The following RASGEF1A variants were observed in gnomAD, a reference collection of about 807,000 sequenced individuals.
The protein encoded by RASGEF1A is RasGEF domain family member 1A, also known as ras-GEF domain-containing family member 1A.
Under a neutral mutation model 56.4 loss-of-function variants are expected in RASGEF1A, and 18 were observed. The ratio of observed to expected loss-of-function variants is 0.32; its 90% CI spans 0.22 to 0.47. The LOEUF is 0.47. Ranked by LOEUF, RASGEF1A falls within the 20% of genes least tolerant of loss-of-function variation. The pLI, the probability that RASGEF1A is intolerant of heterozygous loss-of-function variation, is 1.00. For missense variants in RASGEF1A, 422 were observed against 627.1 expected, an observed-to-expected ratio of 0.67 and a Z score of 3.49; for synonymous variants, 245 against 242.6, an observed-to-expected ratio of 1.01 and a Z score of -0.09.
chr10:43,229,823 G>T, intron 1 of RASGEF1A: 1 of 1,057,762 alleles, frequency 9.5e-7, no homozygotes, highest in Non-Finnish European at 1.2e-6. Context: ...GCTGGGCTGG[G>T]GACCGCGGGG....
chr10:43,210,199 C>T (rs558459708), intron 1 of RASGEF1A, among the ~76,000 whole-genome samples: 7 of 152,328 alleles, frequency 4.6e-5, no homozygotes, highest in African/African-American at 1.7e-4. Context: ...GGGCCTGGTA[C>T]GGAGGCTCAT....
In RASGEF1A at chr10:43,258,550, C is replaced by T. The variant is rs377584648; in HGVS notation, c.-7+8295G>A. ...GGGCAAAGCTGCAGGCCACAGCAGG[C>T]GGCTGGCCCCTTGGGACGAGGAGAG... On this transcript the variant is annotated intron_variant, in intron 1 of 12. Transcript: ENST00000395810. Among the ~76,000 whole-genome samples the T allele has an allele frequency of 6.6e-5, 10 of 152,364 alleles. No individual in the cohort carries two copies. In the East Asian group the frequency reaches 9.6e-4, roughly 15 times the overall value.
In RASGEF1A at chr10:43,197,013, C is replaced by A. The variant is rs754230916; in HGVS notation, c.1311G>T (p.Gln437His). The stretch of plus-strand genomic sequence containing the variant: ...AGATGGGCGCCGTGAGCAGGTAACT[C>A]TGAATCTTCTTGTCCTTCTCGAAAG... ...ECPFEKDKKIQSYLLTAPIYS... is the reference protein window; with the variant it reads ...ECPFEKDKKIHSYLLTAPIYS... Residue 437 changes from glutamine (Q) to histidine (H), a missense_variant, in exon 11 of 13, where the codon CAG becomes CAT. Physicochemically the swap from Gln to His is conservative, Grantham distance 24. Transcript: ENST00000395810. 6.2e-7 allele frequency: 1 copy of A among 1,614,082 alleles called. No homozygotes were observed. Among genetic ancestry groups the A allele is most frequent in the Non-Finnish European group, 8.5e-7 (1 of 1,180,026 alleles).
chr10:43,229,691 C>A (rs1323279439), intron 1 of RASGEF1A: 2 of 1,443,960 alleles, frequency 1.4e-6, no homozygotes, highest in Non-Finnish European at 1.8e-6. Context: ...CTGCCCGGTC[C>A]GGCGTCCAGC....
chr10:43,203,268 C>G (rs1182254737), intron 3 of RASGEF1A, 30 bp downstream of exon 3: 59 of 1,546,068 alleles, frequency 3.8e-5, no homozygotes, highest in Non-Finnish European at 5.0e-5. Context: ...CCCCTGCCCC[C>G]GCCCGTGCCC....
At chr10:43,236,686 T>C (rs1840435500) in intron 1 of RASGEF1A, among the ~76,000 whole-genome samples, 1 of 152,234 alleles carries the variant, frequency 6.6e-6, no homozygotes, top group Admixed American at 6.5e-5. Context: ...CAGTACGTGC[T>C]CATCTTCTAA....
rs540673883 is a variant in RASGEF1A at position 43,195,419 on chromosome 10, C to T, written c.*825G>A. On this transcript the variant is annotated 3_prime_UTR_variant, in exon 13 of 13. Transcript: ENST00000395810. This position sits in a 1 kb window ranked among gnomAD's most constrained non-coding sequence, Gnocchi z 4.2. The stretch of plus-strand genomic sequence containing the variant: ...TCAAGACTAGCTCTAAATGTCACCA[C>T]CCTGGAGTCGGCCATGTATTTTTCT... The T allele has an allele frequency of 2.5e-4, 38 of 152,336 alleles. No individual in the cohort carries two copies. Among genetic ancestry groups the T allele is most frequent in the African/African-American group, 9.1e-4 (38 of 41,562 alleles). 9.4% of individuals were successfully genotyped at this position (152,336 alleles called of 1,614,324 possible).
At chr10:43,255,043 G>A (rs1840672710) in intron 1 of RASGEF1A, among the ~76,000 whole-genome samples, 1 of 152,178 alleles carries the variant, frequency 6.6e-6, no homozygotes, top group South Asian at 2.1e-4. Context: ...AAACCGGGAA[G>A]TGTGGGGTTT....
intron 1 of RASGEF1A, among the ~76,000 whole-genome samples, chr10:43,232,581 G>A (rs1339819554): frequency 1.3e-5 from 2 of 149,916 alleles, no homozygotes; most frequent in Non-Finnish European, 2.9e-5. Context: ...CCACCTTCTG[G>A]GTTTAAGCGA....
chr10:43,208,029 C>T (rs1049523128), intron 1 of RASGEF1A: 3 of 984,774 alleles, frequency 3.0e-6, no homozygotes, highest in African/African-American at 3.5e-5. Flanking sequence ...CAGGGTGGCA[C>T]TCAGTGACCA....
chr10:43,262,037 G>A (rs1176459531), intron 1 of RASGEF1A, among the ~76,000 whole-genome samples: 1 of 152,116 alleles, frequency 6.6e-6, no homozygotes, highest in African/African-American at 2.4e-5. Flanking sequence ...CTGTGGCTGG[G>A]GTCCAGGACA....
intron 1 of RASGEF1A, among the ~76,000 whole-genome samples, chr10:43,263,235 C>T (rs1006349960): frequency 2.6e-5 from 4 of 152,010 alleles, no homozygotes; most frequent in East Asian, 1.9e-4. Flanking sequence ...AACCAGGGGC[C>T]GGCCAAGCCC....
At chr10:43,234,054 G>A (rs1456092520) in intron 1 of RASGEF1A, among the ~76,000 whole-genome samples, 1 of 152,208 alleles carries the variant, frequency 6.6e-6, no homozygotes, top group Non-Finnish European at 1.5e-5. Flanking sequence ...CTCACCCCCA[G>A]AGGTCTGGGG....
chr10:43,220,141 C>A (rs949622448), intron 1 of RASGEF1A, among the ~76,000 whole-genome samples: 1 of 152,208 alleles, frequency 6.6e-6, no homozygotes, highest in African/African-American at 2.4e-5. Context: ...GGTGGTTAGA[C>A]ACTGACCAGC....
chr10:43,263,350 T>A (rs1836569525), intron 1 of RASGEF1A, among the ~76,000 whole-genome samples: 1 of 151,676 alleles, frequency 6.6e-6, no homozygotes, highest in Non-Finnish European at 1.5e-5. Flanking sequence ...TGGGAGTGAG[T>A]GGGAAGTGAG....
intron 4 of RASGEF1A, among the ~76,000 whole-genome samples, chr10:43,201,141 CTG>C (rs1269893716): frequency 1.3e-5 from 2 of 152,222 alleles, no homozygotes; most frequent in Non-Finnish European, 2.9e-5. Context: ...AGGCTCAAGA[CTG>C]AGCTTCTGGG....
At position 43,229,281 on chromosome 10, in the gene RASGEF1A, G is replaced by A. The variant is rs1287471207; in HGVS notation, c.-6-23159C>T. ...CTGCACCTCACACAGACCACACACC[G>A]CGGACCACCCCTCGCCCGGCACATC... is the stretch of plus-strand genomic sequence containing the variant. On this transcript the variant is annotated intron_variant, in intron 1 of 12. Transcript: ENST00000395810. Among the ~76,000 whole-genome samples the A allele has an allele frequency of 3.3e-5, 5 of 152,200 alleles. No homozygotes were observed. In the South Asian group the frequency reaches 6.2e-4, roughly 19 times the overall value.
At chr10:43,256,092 G>A (rs774701355) in intron 1 of RASGEF1A, among the ~76,000 whole-genome samples, 1 of 152,198 alleles carries the variant, frequency 6.6e-6, no homozygotes, top group Non-Finnish European at 1.5e-5. Flanking sequence ...CACTGTGCAG[G>A]AGGAGGCCCC....
intron 7 of RASGEF1A, 68 bp downstream of exon 7, chr10:43,199,608 G>A (rs1839860217): frequency 1.6e-6 from 2 of 1,275,264 alleles, no homozygotes; most frequent in East Asian, 4.6e-5. Flanking sequence ...TAATTCCTGG[G>A]GCAAGATCAG....
Sources: allele counts gnomAD v4.1 joint callset (sites outside exome capture counted in the v4.1 genomes callset), GRCh38; gene constraint gnomAD v4.1.1; non-coding constraint Gnocchi (gnomAD v3.1); transcripts MANE v1.5; gene names NCBI Gene and HGNC (gene_info 2026-07-23, HGNC 2026-07-21).